The following GSE1 variants were observed in gnomAD, a reference collection of about 807,000 sequenced individuals.
The protein encoded by GSE1 is Gse1 coiled-coil protein.
GSE1 carries 32 observed loss-of-function variants against 112.6 expected under a neutral mutation model. The observed-to-expected ratio is 0.28, with a 90% CI of 0.21 to 0.38. The LOEUF (loss-of-function observed/expected upper bound fraction) is 0.38, where lower values mean the gene tolerates loss of function less well. Ranked by LOEUF, GSE1 falls within the 10% of genes least tolerant of loss-of-function variation. The pLI is 1.00. For synonymous variants in GSE1, 1,115 were observed against 735.6 expected, an observed-to-expected ratio of 1.52 and a Z score of -8.35; for missense variants, 2,348 against 1,699.2, an observed-to-expected ratio of 1.38 and a Z score of -6.71.
Position 85,656,362 on chromosome 16 carries a change from C to T in GSE1, c.1009C>T (p.Leu337=). Residue 337 remains leucine (L), a synonymous_variant, in exon 7 of 16, where the codon CTA becomes TTA. Coordinates refer to ENST00000253458, the MANE Select transcript of GSE1 (RefSeq NM_014615.5). ...SAERLQMDEE[L]RRERERERER... ...CTGCAGGCTGCAGATGGACGAGGAG[C>T]TAAGGCGGGAGAGGGAGCGCGAGCG... 6.2e-7 allele frequency: 1 copy of T among 1,611,420 alleles called. No homozygotes were observed. The highest frequency in any genetic ancestry group is 8.5e-7 in the Non-Finnish European group (1 of 1,179,656).
chr16:85,254,666 C>T (rs1287609183), intron 1 of GSE1, among the ~76,000 whole-genome samples: 3 of 152,218 alleles, frequency 2.0e-5, no homozygotes, highest in Non-Finnish European at 4.4e-5. Context: ...CGGCCACACA[C>T]CTGTGACCAG....
At chr16:85,434,868 G>T (rs2049207877) in intron 2 of GSE1, among the ~76,000 whole-genome samples, 1 of 152,228 alleles carries the variant, frequency 6.6e-6, no homozygotes, top group African/African-American at 2.4e-5. Context: ...CAGGGGCTGG[G>T]CTTGCCCATC....
intron 1 of GSE1, among the ~76,000 whole-genome samples, chr16:85,261,532 G>A (rs1284612031): frequency 6.6e-6 from 1 of 152,238 alleles, no homozygotes; most frequent in African/African-American, 2.4e-5. Flanking sequence ...CTGACAGGAG[G>A]CACATCCACG....
chr16:85,216,426 T>C (rs1212639931), intron 1 of GSE1, among the ~76,000 whole-genome samples: 1 of 152,218 alleles, frequency 6.6e-6, no homozygotes, highest in African/African-American at 2.4e-5. Flanking sequence ...GCACTGTTAT[T>C]ACCAGCTCTC....
At chr16:85,285,802 G>T (rs1485359125) in intron 1 of GSE1, 1 of 152,188 alleles carries the variant, frequency 6.6e-6, no homozygotes, top group Non-Finnish European at 1.5e-5. Context: ...CCTGTCCACA[G>T]TAAAGGCTGA....
chr16:85,436,225 C>G (rs1405994544), intron 2 of GSE1, among the ~76,000 whole-genome samples: 1 of 152,242 alleles, frequency 6.6e-6, no homozygotes, highest in East Asian at 1.9e-4. Flanking sequence ...CTCTCCTTCC[C>G]TTGCTCTTAG....
At chr16:85,195,363 G>A (rs900155777) in intron 1 of GSE1, among the ~76,000 whole-genome samples, 1 of 152,230 alleles carries the variant, frequency 6.6e-6, no homozygotes, top group East Asian at 1.9e-4. Flanking sequence ...CAAGAACCAC[G>A]TTGGAGGTGG....
At chr16:85,547,827 C>T (rs559085494) in intron 2 of GSE1, among the ~76,000 whole-genome samples, 44 of 144,790 alleles carry the variant, frequency 3.0e-4, no homozygotes, top group South Asian at 4.3e-4. Context: ...TGTAGTGAGC[C>T]GAGATGACAC....
chr16:85,648,223 G>GGTCCTGCCC (rs1427882651), intron 2 of GSE1, among the ~76,000 whole-genome samples: 4 of 152,270 alleles, frequency 2.6e-5, no homozygotes, highest in African/African-American at 9.6e-5. Context: ...GTCAGGCACT[G>GGTCCTGCCC]GTCCTGCCCG....
intron 1 of GSE1, among the ~76,000 whole-genome samples, chr16:85,355,520 CAGAG>C (rs1197459484): frequency 6.6e-6 from 1 of 152,188 alleles, no homozygotes; most frequent in Non-Finnish European, 1.5e-5. Context: ...GTCACCAAGA[CAGAG>C]AGCAGACGCC....
chr16:85,262,584 T>A (rs1455673316), intron 1 of GSE1, among the ~76,000 whole-genome samples: 1 of 152,210 alleles, frequency 6.6e-6, no homozygotes, highest in African/African-American at 2.4e-5. Flanking sequence ...ACTGTGGGCT[T>A]GTCAGCAGGA....
chr16:85,563,819 C>G (rs2045627167), intron 1 of GSE1, among the ~76,000 whole-genome samples: 1 of 152,230 alleles, frequency 6.6e-6, no homozygotes, highest in African/African-American at 2.4e-5. Context: ...ATTTGGGGGT[C>G]TCGTGGTCAC....
chr16:85,668,739 C>T (rs2053089208), intron 14 of GSE1, among the ~76,000 whole-genome samples: 1 of 152,212 alleles, frequency 6.6e-6, no homozygotes, highest in Non-Finnish European at 1.5e-5. Context: ...TGTAAGGGTC[C>T]TGGGAGACAA....
intron 2 of GSE1, among the ~76,000 whole-genome samples, chr16:85,491,745 G>C (rs965476403): frequency 6.6e-6 from 1 of 152,144 alleles, no homozygotes; most frequent in African/African-American, 2.4e-5. Context: ...CTGAAAGCCA[G>C]GTCTCAGCGC....
chr16:85,449,319 G>T (rs1387240795), intron 2 of GSE1, among the ~76,000 whole-genome samples: 1 of 152,212 alleles, frequency 6.6e-6, no homozygotes, highest in Non-Finnish European at 1.5e-5. Context: ...GATGGTTCTG[G>T]GCCTGGAAGG....
intron 2 of GSE1, among the ~76,000 whole-genome samples, chr16:85,478,899 CT>C (rs752084590): frequency 2.6e-5 from 2 of 76,568 alleles, no homozygotes; most frequent in Non-Finnish European, 4.7e-5. Flanking sequence ...TTCTTTCTTT[CT>C]TTCTTTCTTT....
intron 1 of GSE1, among the ~76,000 whole-genome samples, chr16:85,600,712 A>C (rs571602364): frequency 1.3e-5 from 2 of 152,150 alleles, no homozygotes; most frequent in African/African-American, 4.8e-5. Context: ...AGGGACTCTG[A>C]AGGCTGATGA....
intron 2 of GSE1, among the ~76,000 whole-genome samples, chr16:85,413,104 T>C (rs2048619942): frequency 6.6e-6 from 1 of 152,172 alleles, no homozygotes; most frequent in Admixed American, 6.5e-5. Flanking sequence ...CTTGGCTGTT[T>C]CCAGGCCGAG....
chr16:85,550,977 G>A (rs1448490270), upstream of GSE1, among the ~76,000 whole-genome samples: 2 of 152,350 alleles, frequency 1.3e-5, no homozygotes, highest in East Asian at 1.9e-4. Flanking sequence ...GCCCTGCGCT[G>A]TTGGGGCCCA....
Sources: allele counts gnomAD v4.1 joint callset (sites outside exome capture counted in the v4.1 genomes callset), GRCh38; gene constraint gnomAD v4.1.1; transcripts MANE v1.5; gene names NCBI Gene and HGNC (gene_info 2026-07-23, HGNC 2026-07-21).